The following MAP4 variants were observed in gnomAD, a reference collection of about 807,000 sequenced individuals.
MAP4 encodes the protein microtubule associated protein 4.
A neutral mutation model predicts 170.2 loss-of-function variants in MAP4; 76 were observed. The ratio of observed to expected loss-of-function variants is 0.45; its 90% CI spans 0.37 to 0.54. The LOEUF (loss-of-function observed/expected upper bound fraction) is 0.54. Ranked by LOEUF, MAP4 falls within the 20% of genes least tolerant of loss-of-function variation. The pLI, the probability that MAP4 is intolerant of heterozygous loss-of-function variation, is 0.00. For synonymous variants in MAP4, 909 were observed against 994.5 expected (o/e 0.91, Z 1.62); for missense variants, 2,506 against 2,748.0 (o/e 0.91, Z 1.97).
At chr3:47,891,172 A>G (rs945055420) in intron 10 of MAP4, 2 of 1,536,196 alleles carry the variant, frequency 1.3e-6, no homozygotes, top group Non-Finnish European at 1.7e-6. Context: ...TAGTTTCACT[A>G]AAATCTTCCT....
At chr3:48,053,293 T>C (rs2100128874) in intron 1 of MAP4, among the ~76,000 whole-genome samples, 1 of 152,180 alleles carries the variant, frequency 6.6e-6, no homozygotes, top group Non-Finnish European at 1.5e-5. Context: ...AAAACTGTAC[T>C]ATGGAAAAGA....
At chr3:47,965,103 T>C (rs2100074075) in intron 3 of MAP4, among the ~76,000 whole-genome samples, 1 of 152,346 alleles carries the variant, frequency 6.6e-6, no homozygotes, top group East Asian at 1.9e-4. Flanking sequence ...ATGGAGTATA[T>C]TTATATTTGT....
chr3:47,862,545 T>C (rs1219834837), intron 17 of MAP4, among the ~76,000 whole-genome samples: 2 of 152,106 alleles, frequency 1.3e-5, no homozygotes, highest in African/African-American at 2.4e-5. Context: ...TGGCGTGATC[T>C]TGCCTCACTG....
intron 3 of MAP4, among the ~76,000 whole-genome samples, chr3:47,947,097 T>C (rs1181051359): frequency 6.6e-6 from 1 of 152,212 alleles, no homozygotes; most frequent in South Asian, 2.1e-4. Flanking sequence ...GTACAGCAAA[T>C]TATTTAAGGA....
upstream of MAP4, among the ~76,000 whole-genome samples, chr3:48,017,490 T>TCTTTTTTC (rs199911805): frequency 1.4e-5 from 2 of 138,256 alleles, no homozygotes; most frequent in African/African-American, 6.9e-5. Context: ...TTTTCTTTTT[T>TCTTTTTTC]TTTTTTTTTG....
chr3:47,872,192 T>C, intron 12 of MAP4, 92 bp from the exon 13 acceptor site: 1 of 1,262,404 alleles, frequency 7.9e-7, no homozygotes, highest in Non-Finnish European at 1.1e-6. Context: ...TTTGTTTTGT[T>C]TTGTTTTTGG....
rs144412961 is a variant in MAP4, at chr3:48,025,959, C to T, written c.-19-27080G>A. ...AATAACAATAATAATAATATGCTGA[C>T]TTAGAGGCTCCTGGACTATTGTCAT... On this transcript the variant is annotated intron_variant, in intron 1 of 18. Coordinates refer to the MAP4 transcript ENST00000360240. 5.1e-5 allele frequency among the ~76,000 whole-genome samples: 7 copies of T among 136,362 alleles called. 1 individual carries two copies. Among genetic ancestry groups the T allele is most frequent in the African/African-American group, 1.8e-4 (7 of 38,064 alleles). The allele number at this position is 136,362 out of a possible 152,430, so 89.5% of individuals were successfully genotyped here.
At chr3:47,904,291 A>C (rs1037769844) in intron 9 of MAP4, among the ~76,000 whole-genome samples, 4 of 152,098 alleles carry the variant, frequency 2.6e-5, no homozygotes, top group Admixed American at 2.6e-4. Context: ...AATAAAATCA[A>C]CTCAATAGGT....
At chr3:47,930,600 C>A (rs1162295959) in intron 3 of MAP4, among the ~76,000 whole-genome samples, 2 of 152,206 alleles carry the variant, frequency 1.3e-5, no homozygotes, top group East Asian at 3.9e-4. Flanking sequence ...AGATTATAAT[C>A]TCTTACAATA....
chr3:48,042,319 A>G (rs145752265), intron 1 of MAP4, among the ~76,000 whole-genome samples: 24 of 152,350 alleles, frequency 1.6e-4, no homozygotes, highest in African/African-American at 5.5e-4. Context: ...GCTGGTGGGG[A>G]GAAATCCCCA....
At chr3:48,038,209 G>A (rs894241975) in intron 1 of MAP4, among the ~76,000 whole-genome samples, 4 of 150,862 alleles carry the variant, frequency 2.7e-5, no homozygotes, top group African/African-American at 4.9e-5. Context: ...GAGGATTTTC[G>A]GAATATTTGG....
chr3:47,891,204 C>T (rs1195834479), intron 10 of MAP4: 2 of 1,536,124 alleles, frequency 1.3e-6, no homozygotes, highest in South Asian at 2.4e-5. Flanking sequence ...TTGCTGCTTC[C>T]TTCAGGAATC....
chr3:47,977,482 T>C (rs1029756483), intron 3 of MAP4, among the ~76,000 whole-genome samples: 3 of 152,350 alleles, frequency 2.0e-5, no homozygotes, highest in Middle Eastern at 3.4e-3. Flanking sequence ...CTTCCTAACA[T>C]TGAACTGTAG....
chr3:47,922,304 C>T (rs1423548080), intron 4 of MAP4, among the ~76,000 whole-genome samples: 9 of 151,914 alleles, frequency 5.9e-5, no homozygotes, highest in South Asian at 2.1e-4. Context: ...GTAAGTAAAC[C>T]GAAATCATAT....
intron 10 of MAP4, among the ~76,000 whole-genome samples, chr3:47,881,997 C>A (rs2096847406): frequency 6.6e-6 from 1 of 152,108 alleles, no homozygotes; most frequent in Non-Finnish European, 1.5e-5. Context: ...TCCTGATGGC[C>A]AGGTACAGTG....
At chr3:47,869,846 G>C (rs927192124) in intron 15 of MAP4, among the ~76,000 whole-genome samples, 1 of 152,098 alleles carries the variant, frequency 6.6e-6, no homozygotes, top group South Asian at 2.1e-4. Flanking sequence ...GAAACCATAA[G>C]AGCAAAGACG....
intron 1 of MAP4, among the ~76,000 whole-genome samples, chr3:48,055,741 T>C (rs7432298): frequency 2.2e-5 from 2 of 89,902 alleles, no homozygotes; most frequent in African/African-American, 4.4e-5. Context: ...CCGGCCGCCA[T>C]CCCATCTAGG....
intron 18 of MAP4, among the ~76,000 whole-genome samples, chr3:47,856,104 G>A (rs1277962551): frequency 6.6e-6 from 1 of 152,186 alleles, no homozygotes; most frequent in Non-Finnish European, 1.5e-5. Flanking sequence ...AGACCAAGGG[G>A]AAGGGTGCGG....
chr3:48,038,101 G>A (rs1363500954), intron 1 of MAP4, among the ~76,000 whole-genome samples: 1 of 151,282 alleles, frequency 6.6e-6, no homozygotes, highest in Non-Finnish European at 1.5e-5. Flanking sequence ...CCAGCAGGTG[G>A]AGTTTGCAGT....
Sources: allele counts gnomAD v4.1 joint callset (sites outside exome capture counted in the v4.1 genomes callset), GRCh38; gene constraint gnomAD v4.1.1; transcripts MANE v1.5; gene names NCBI Gene and HGNC (gene_info 2026-07-23, HGNC 2026-07-21).